The following ITPR1 variants were observed in gnomAD, a reference collection of about 807,000 sequenced individuals.
ITPR1 encodes inositol 1,4,5-trisphosphate receptor type 1.
In ITPR1, 96 loss-of-function variants were observed where a neutral mutation model predicts 318.4. That is an observed-to-expected ratio of 0.30 (90% CI 0.26 to 0.36). ITPR1 has a LOEUF of 0.36. Ranked by LOEUF, ITPR1 falls within the 10% of genes least tolerant of loss-of-function variation. The probability of loss-of-function intolerance (pLI) is 1.00; values close to 1 mark genes in which losing one functional copy is unlikely to be tolerated. For synonymous variants in ITPR1, 1,312 were observed against 1,289.9 expected (o/e 1.02, Z -0.37); for missense variants, 2,440 against 3,460.2 (o/e 0.71, Z 7.40).
intron 51 of ITPR1, among the ~76,000 whole-genome samples, chr3:4,787,611 T>C (rs1422160910): frequency 2.0e-5 from 3 of 148,620 alleles, no homozygotes; most frequent in Admixed American, 6.7e-5. Context: ...GGCAGGAGAA[T>C]CACTTAAACC....
intron 44 of ITPR1, among the ~76,000 whole-genome samples, chr3:4,752,221 T>C (rs987634798): frequency 6.6e-6 from 1 of 152,196 alleles, no homozygotes. Flanking sequence ...AATATGTTTT[T>C]ATTAGCCTCC....
At chr3:4,519,027 A>G (rs1023727674) in intron 3 of ITPR1, among the ~76,000 whole-genome samples, 12 of 152,160 alleles carry the variant, frequency 7.9e-5, no homozygotes, top group Non-Finnish European at 5.9e-5. Flanking sequence ...AATAAGTCTG[A>G]TGAACATCCC....
chr3:4,724,962 T>C, intron 40 of ITPR1, among the ~76,000 whole-genome samples: 1 of 152,078 alleles, frequency 6.6e-6, no homozygotes, highest in East Asian at 1.9e-4. Context: ...GGAAACCTTG[T>C]TTCTCCCAGA....
At chr3:4,610,006 T>A (rs2091978624) in intron 4 of ITPR1, among the ~76,000 whole-genome samples, 1 of 152,178 alleles carries the variant, frequency 6.6e-6, no homozygotes, top group Non-Finnish European at 1.5e-5. Context: ...CTGTACTTGA[T>A]GTTTCCATTC....
chr3:4,661,047 T>A lies in ITPR1; in HGVS notation c.1211T>A (p.Ile404Asn). The part of the protein sequence containing the change: ...CTNTWVHSTN[I>N]PIDKEEEKPV... Reference sequence around the variant, plus strand: ...AATACCTGGGTTCACAGCACAAATATTCCTATTGACAAGGAAGAAGAAAAG... The same window carrying A: ...AATACCTGGGTTCACAGCACAAATAATCCTATTGACAAGGAAGAAGAAAAG... Residue 404 changes from isoleucine (I) to asparagine (N), a missense_variant, in exon 14 of 62, where the codon ATT becomes AAT. Ile to Asn is a moderately radical substitution (Grantham distance 149, BLOSUM62 -3). Transcript: ENST00000649015. 1.2e-6 allele frequency: 2 copies of A among 1,611,094 alleles called. No homozygotes were observed. The highest frequency in any genetic ancestry group is 1.7e-6 in the Non-Finnish European group (2 of 1,177,312).
chr3:4,727,984 ACTTTTGT>A (rs2042643806), intron 42 of ITPR1, among the ~76,000 whole-genome samples: 1 of 152,154 alleles, frequency 6.6e-6, no homozygotes, highest in Non-Finnish European at 1.5e-5. Context: ...TAGGTATACA[ACTTTTGT>A]ACCCTGTTTT....
At chr3:4,704,573 A>C (rs1199553551) in intron 36 of ITPR1, among the ~76,000 whole-genome samples, 2 of 152,198 alleles carry the variant, frequency 1.3e-5, no homozygotes, top group Non-Finnish European at 1.5e-5. Flanking sequence ...AGAAAAAAAA[A>C]AGTTGTGCTT....
chr3:4,652,997 G>A (rs1403553205), intron 11 of ITPR1, among the ~76,000 whole-genome samples: 2 of 152,148 alleles, frequency 1.3e-5, no homozygotes, highest in Non-Finnish European at 2.9e-5. Flanking sequence ...CAAAAAAAAT[G>A]TCTGTGAAGA....
At chr3:4,540,776 A>G (rs958863025) in intron 4 of ITPR1, among the ~76,000 whole-genome samples, 1 of 152,142 alleles carries the variant, frequency 6.6e-6, no homozygotes, top group Non-Finnish European at 1.5e-5. Flanking sequence ...GGGTTTCAAC[A>G]TATTGCCCAG....
intron 26 of ITPR1, among the ~76,000 whole-genome samples, 179 bp from the exon 27 acceptor site, chr3:4,683,207 A>C (rs1382768223): frequency 1.3e-5 from 2 of 152,186 alleles, no homozygotes; most frequent in African/African-American, 4.8e-5. Flanking sequence ...CCCTCACCTC[A>C]TAATATAGTT....
intron 4 of ITPR1, among the ~76,000 whole-genome samples, chr3:4,579,031 G>A (rs1009792614): frequency 1.3e-5 from 2 of 152,164 alleles, no homozygotes; most frequent in African/African-American, 2.4e-5. Flanking sequence ...AGGCGAGGCT[G>A]TTGTGACGTG....
intron 4 of ITPR1, among the ~76,000 whole-genome samples, chr3:4,542,096 G>A (rs2084512775): frequency 6.6e-6 from 1 of 151,962 alleles, no homozygotes; most frequent in South Asian, 2.1e-4. Context: ...TTCTATTTGG[G>A]ACTTCTGAAA....
chr3:4,631,930 G>T (rs1391835525), intron 5 of ITPR1, among the ~76,000 whole-genome samples: 1 of 152,164 alleles, frequency 6.6e-6, no homozygotes, highest in Non-Finnish European at 1.5e-5. Context: ...AGGATTATAG[G>T]CATGGACTAC....
chr3:4,796,061 C>A (rs2125416420), intron 53 of ITPR1, among the ~76,000 whole-genome samples: 1 of 152,280 alleles, frequency 6.6e-6, no homozygotes, highest in East Asian at 1.9e-4. Context: ...AAAAACCACA[C>A]AGGAGTAAGT....
intron 7 of ITPR1, 96 bp downstream of exon 7, chr3:4,642,347 C>T (rs2093356776): frequency 1.0e-6 from 1 of 953,712 alleles, no homozygotes; most frequent in Admixed American, 3.6e-5. Flanking sequence ...AAGTTGGAAC[C>T]AGAGGCTTGT....
At chr3:4,740,382 TCC>T (rs1412264774) in intron 44 of ITPR1, among the ~76,000 whole-genome samples, 1 of 152,222 alleles carries the variant, frequency 6.6e-6, no homozygotes, top group Non-Finnish European at 1.5e-5. Flanking sequence ...GAAAATTCAG[TCC>T]TGCCTTAGGA....
intron 4 of ITPR1, among the ~76,000 whole-genome samples, chr3:4,601,895 A>G (rs1013259708): frequency 1.3e-5 from 2 of 152,242 alleles, no homozygotes; most frequent in Non-Finnish European, 2.9e-5. Flanking sequence ...AAAAGATTTG[A>G]ATAGACGTTT....
At chr3:4,762,594 A>C (rs1243481817) in intron 44 of ITPR1, among the ~76,000 whole-genome samples, 1 of 152,194 alleles carries the variant, frequency 6.6e-6, no homozygotes, top group Non-Finnish European at 1.5e-5. Context: ...TAACACCATC[A>C]GTTTGCACTG....
chr3:4,846,692 T>G lies in ITPR1; in HGVS notation c.*467T>G, dbSNP rs1343943344. 1 of 152,754 alleles carries G rather than the reference T, an allele frequency of 6.5e-6. No homozygotes were observed. The highest frequency in any genetic ancestry group is 1.5e-5 in the Non-Finnish European group (1 of 68,112). 9.5% of individuals were successfully genotyped at this position (152,754 alleles called of 1,614,324 possible). ...ATACTATGTAATAAATGGTTAACTT[T>G]CAAATGATGCTGCTGCCAAAATTAT... On this transcript the variant is annotated 3_prime_UTR_variant, in exon 62 of 62. Coordinates refer to ENST00000649015, the MANE Select transcript of ITPR1 (RefSeq NM_001378452.1).
Sources: allele counts gnomAD v4.1 joint callset (sites outside exome capture counted in the v4.1 genomes callset), GRCh38; gene constraint gnomAD v4.1.1; transcripts MANE v1.5; gene names NCBI Gene and HGNC (gene_info 2026-07-23, HGNC 2026-07-21).